The following OR13A1 variants were observed in gnomAD, a reference collection of about 807,000 sequenced individuals.
OR13A1 encodes the protein olfactory receptor family 13 subfamily A member 1.
OR13A1 carries 10 observed loss-of-function variants against 7.5 expected under a neutral mutation model. That is an observed-to-expected ratio of 1.34 (90% CI 0.83 to 2.27). The LOEUF (loss-of-function observed/expected upper bound fraction) is 2.27. Ranked by LOEUF, OR13A1 falls within the 30% of genes most tolerant of loss-of-function variation. OR13A1 has a pLI of 0.00. For missense variants in OR13A1, 509 were observed against 419.1 expected, an observed-to-expected ratio of 1.21 and a Z score of -1.87; for synonymous variants, 238 against 177.9, an observed-to-expected ratio of 1.34 and a Z score of -2.69.
At chr10:45,302,630 T>C (rs1449942713), downstream of OR13A1, 1 of 152,236 alleles carries the variant, frequency 6.6e-6, no homozygotes, top group African/African-American at 2.4e-5. Flanking sequence ...ATGATAAAGA[T>C]AATGGATTTT....
chr10:45,302,434 A>T (rs1665847385), downstream of OR13A1: 1 of 152,206 alleles, frequency 6.6e-6, no homozygotes, highest in African/African-American at 2.4e-5. Flanking sequence ...GCTACAATTC[A>T]TCAAATACTT....
intron 1 of OR13A1, chr10:45,308,813 C>T (rs929825576): frequency 6.6e-6 from 1 of 152,210 alleles, no homozygotes; most frequent in Admixed American, 6.5e-5. Flanking sequence ...GACATTGAGG[C>T]AGTGTGCAAC....
chr10:45,303,819 G>C lies in OR13A1; in HGVS notation c.604C>G (p.Leu202Val), dbSNP rs772089890. Reference sequence around the variant, plus strand: ...GTGGAGCTGCAGGAGAGAAGCAGCAGGGGAGGGACCTCGCAGAAGAAATGG... The same window carrying C: ...GTGGAGCTGCAGGAGAGAAGCAGCACGGGAGGGACCTCGCAGAAGAAATGG... ...IIHFFCEVPP[L>V]LLLSCSSTYV... The change falls in exon 4 of 4, where the codon CTG becomes GTG. Residue 202 changes from leucine (L) to valine (V), a missense_variant. Transcript: ENST00000553795. 3 of 1,613,144 alleles carry C rather than the reference G, an allele frequency of 1.9e-6. No homozygotes were observed. The highest frequency in any genetic ancestry group is 4.5e-5 in the East Asian group (2 of 44,904).
At chr10:45,312,259 A>G (rs1016448413) in intron 1 of OR13A1, among the ~76,000 whole-genome samples, 12 of 152,202 alleles carry the variant, frequency 7.9e-5, no homozygotes, top group African/African-American at 2.4e-4. Flanking sequence ...AATAAGCTCA[A>G]TGAACCCCAA....
intron 3 of OR13A1, among the ~76,000 whole-genome samples, chr10:45,305,449 G>A (rs140438175): frequency 6.6e-6 from 1 of 152,192 alleles, no homozygotes; most frequent in Non-Finnish European, 1.5e-5. Flanking sequence ...ACCAGAGCTT[G>A]AACAGTGATT....
chr10:45,303,147 A>G lies in OR13A1; in HGVS notation c.*289T>C. 3 of 357,116 alleles carry G rather than the reference A, an allele frequency of 8.4e-6. No homozygotes were observed. The highest frequency in any genetic ancestry group is 5.0e-6 in the Non-Finnish European group (1 of 198,452). The allele number at this position is 357,116 out of a possible 1,614,324, so 22.1% of individuals were successfully genotyped here. ...ATGTTTGATGTGGCTATGAGTTGAA[A>G]ACACAAGGAACACTTTTCTCCTCCT... On this transcript the variant is annotated 3_prime_UTR_variant, in exon 4 of 4. Coordinates refer to ENST00000553795, the MANE Select transcript of OR13A1 (RefSeq NM_001004297.3).
At position 45,303,610 on chromosome 10, in the gene OR13A1, G is replaced by A; in HGVS notation, c.813C>T (p.Thr271=). 3 of 1,613,636 alleles carry A rather than the reference G, an allele frequency of 1.9e-6. No homozygotes were observed. The highest frequency in any genetic ancestry group is 1.1e-5 in the South Asian group (1 of 91,076). The part of the protein sequence containing the change: ...SHLTVVCMYY[T]AVFYAYISPV... The stretch of plus-strand genomic sequence containing the variant: ...GGCTTATGTAGGCGTAGAAGACAGC[G>A]GTGTAATACATGCACACCACGGTGA... The change falls in exon 4 of 4, where the codon ACC becomes ACT. Residue 271 remains threonine (T), a synonymous_variant. Coordinates refer to ENST00000553795, the MANE Select transcript of OR13A1 (RefSeq NM_001004297.3).
rs759112641 is a variant in OR13A1 at position 45,304,050 on chromosome 10, C to A, written c.373G>T (p.Ala125Ser). 1.9e-6 allele frequency: 3 copies of A among 1,613,230 alleles called. No individual in the cohort carries two copies. The highest frequency in any genetic ancestry group is 1.3e-5 in the African/African-American group (1 of 74,904). Residue 125 changes from alanine (A) to serine (S), a missense_variant, in exon 4 of 4, where the codon GCT becomes TCT. Transcript: ENST00000553795. The stretch of plus-strand genomic sequence containing the variant: ...AGGAGCAGCAGCTCTGAGGATGCAG[C>A]CCACGTGAGGAAATAGAGCTGGGCC... ...CMAQLYFLTW[A>S]ASSELLLLTV...
At chr10:45,311,447 T>G (rs1187182243) in intron 1 of OR13A1, among the ~76,000 whole-genome samples, 2 of 152,152 alleles carry the variant, frequency 1.3e-5, no homozygotes, top group Non-Finnish European at 2.9e-5. Context: ...AAGAAAGGCT[T>G]AGAGCAAACT....
At chr10:45,309,586 G>A (rs1433542015) in intron 1 of OR13A1, among the ~76,000 whole-genome samples, 1 of 152,058 alleles carries the variant, frequency 6.6e-6, no homozygotes, top group Non-Finnish European at 1.5e-5. Flanking sequence ...ATGTGACTTT[G>A]GGTGACTGCG....
chr10:45,306,504 G>C (rs576309350), intron 3 of OR13A1, among the ~76,000 whole-genome samples: 2 of 151,856 alleles, frequency 1.3e-5, no homozygotes. Context: ...ATGAACATTT[G>C]GAAGATGTTT....
At chr10:45,302,566 AT>A (rs939811129), downstream of OR13A1, 1 of 152,206 alleles carries the variant, frequency 6.6e-6, no homozygotes, top group Non-Finnish European at 1.5e-5. Flanking sequence ...TTTCTATTCA[AT>A]TCCAAGATAC....
At chr10:45,311,017 A>G (rs115373437) in intron 1 of OR13A1, among the ~76,000 whole-genome samples, 373 of 152,316 alleles carry the variant, frequency 2.4e-3, no homozygotes, top group African/African-American at 8.0e-3. Flanking sequence ...GAAAGAGAGT[A>G]GGATCTGTGC....
rs1370678508 is a variant in OR13A1 at position 45,307,729 on chromosome 10, G to A, written c.-155+10C>T. ...ACATACTGCATTCAGACAACACGAT[G>A]ACATCTCACCAGCAGGCCAACAGGA... On this transcript the variant is annotated intron_variant, in intron 2 of 3. Transcript: ENST00000553795. 2 of 152,152 alleles carry A rather than the reference G, an allele frequency of 1.3e-5. No individual in the cohort carries two copies. The highest frequency in any genetic ancestry group is 2.4e-5 in the African/African-American group (1 of 41,426). The allele number at this position is 152,152 out of a possible 1,614,324, so 9.4% of individuals were successfully genotyped here.
At chr10:45,314,051 C>T (rs1233122180) in intron 1 of OR13A1, among the ~76,000 whole-genome samples, 1 of 151,938 alleles carries the variant, frequency 6.6e-6, no homozygotes, top group Non-Finnish European at 1.5e-5. Context: ...TGAAATTATA[C>T]AAAATATCTA....
rs1838363729 is a variant in OR13A1, at chr10:45,307,754, A to AT, written c.-171dup. ...GACATCTCACCAGCAGGCCAACAGG[A>AT]TATTCGAACAGCGGTTATTTTCCAC... On this transcript the variant is annotated 5_prime_UTR_variant, in exon 2 of 4. The change creates a premature stop within an existing upstream ORF in the 5' untranslated region. Transcript: ENST00000553795. 6.6e-6 allele frequency: 1 copy of AT among 152,208 alleles called. No individual in the cohort carries two copies. Among genetic ancestry groups the AT allele is most frequent in the African/African-American group, 2.4e-5 (1 of 41,446 alleles). 9.4% of individuals were successfully genotyped at this position (152,208 alleles called of 1,614,324 possible). A position where few individuals can be genotyped will look rare whatever the true frequency, so the allele number is the denominator to read the frequency against.
rs779687658 is a variant in OR13A1 at position 45,304,210 on chromosome 10, A to G, written c.213T>C (p.Pro71=). The change falls in exon 4 of 4, where the codon CCT becomes CCC. Residue 71 remains proline (P), a synonymous_variant. Transcript: ENST00000553795. ...AAAAGTACATAGGAGCGTGGAGCCC[A>G]GGGTTGAACGTGATGGCCAAGGTGA... The part of the protein sequence containing the change: ...VLITLAITFN[P]GLHAPMYFFL... The G allele has an allele frequency of 1.9e-6, 3 of 1,614,190 alleles. No homozygotes were observed. Among genetic ancestry groups the G allele is most frequent in the Admixed American group, 1.7e-5 (1 of 60,030 alleles).
intron 1 of OR13A1, among the ~76,000 whole-genome samples, chr10:45,311,051 G>A (rs965142679): frequency 1.3e-5 from 2 of 152,200 alleles, no homozygotes; most frequent in Non-Finnish European, 2.9e-5. Flanking sequence ...GCTGGCCAAG[G>A]AAATGCTTGG....
Sources: gnomAD v4.1 joint callset for allele counts (sites outside exome capture counted in the v4.1 genomes callset) on GRCh38, gnomAD v4.1.1 for gene constraint, MANE v1.5 for transcripts, NCBI Gene and HGNC (gene_info 2026-07-23, HGNC 2026-07-21) for gene names.